The following S100A5 variants were observed in gnomAD, a reference collection of about 807,000 sequenced individuals.
S100A5 encodes the protein protein S100-A5.
S100A5 carries 5 observed loss-of-function variants against 6.7 expected under a neutral mutation model. The ratio of observed to expected loss-of-function variants is 0.75; its 90% CI spans 0.39 to 1.57. The LOEUF (loss-of-function observed/expected upper bound fraction) is 1.57. S100A5 is among the 40% of genes most tolerant of loss of function. The pLI is 0.03. For missense variants in S100A5, 129 were observed against 110.8 expected, an observed-to-expected ratio of 1.16 and a Z score of -0.74; for synonymous variants, 49 against 44.9, an observed-to-expected ratio of 1.09 and a Z score of -0.37.
At chr1:153,541,849 G>T (rs1341370117), upstream of S100A5, 4 of 1,031,198 alleles carry the variant, frequency 3.9e-6, no homozygotes, top group African/African-American at 3.4e-5. Context: ...CACTCCAGGA[G>T]TAGAGAAGAC....
intron 2 of S100A5, among the ~76,000 whole-genome samples, chr1:153,538,061 A>G (rs1293642625): frequency 6.6e-6 from 1 of 151,890 alleles, no homozygotes; most frequent in Non-Finnish European, 1.5e-5. Context: ...AAAAAAAAAG[A>G]ACACCTTGCT....
chr1:153,537,544 T>C lies in S100A5; in HGVS notation c.139-108A>G, dbSNP rs1166470960. ...CCGAAACTTCAGGGTGAGCCCCAGC[T>C]GAGTCAATGACACTGTCAGCATCTC... On this transcript the variant is annotated intron_variant, in intron 2 of 2. Transcript: ENST00000368717. The C allele has an allele frequency of 4.4e-6, 6 of 1,365,394 alleles. No homozygotes were observed. In the African/African-American group the frequency reaches 8.5e-5, roughly 19 times the overall value. 84.6% of individuals were successfully genotyped at this position (1,365,394 alleles called of 1,614,324 possible). A position where few individuals can be genotyped will look rare whatever the true frequency, so the allele number is the denominator to read the frequency against.
At chr1:153,537,468 G>C in intron 2 of S100A5, 32 bp from the exon 3 acceptor site, 1 of 1,611,286 alleles carries the variant, frequency 6.2e-7, no homozygotes, top group South Asian at 1.1e-5. Context: ...AGACAGCTCA[G>C]ACCCCGCTCC....
chr1:153,540,121 C>G lies in S100A5; in HGVS notation c.71G>C (p.Gly24Ala). ...CTTCCTACTCAGGGTCAGTTTGCTA[C>G]CCTCTCTCCCCGAATATTTGTGAAA... Reference protein sequence around the residue: ...TTFHKYSGREGSKLTLSRKEL... With the variant: ...TTFHKYSGREASKLTLSRKEL... Residue 24 changes from glycine to alanine, a missense_variant, in exon 2 of 3, where the codon GGT becomes GCT. Transcript: ENST00000368717. The G allele has an allele frequency of 6.2e-7, 1 of 1,614,166 alleles. No individual in the cohort carries two copies. Among genetic ancestry groups the G allele is most frequent in the Non-Finnish European group, 8.5e-7 (1 of 1,180,028 alleles).
chr1:153,537,705 C>T (rs1293216667), intron 2 of S100A5, among the ~76,000 whole-genome samples: 2 of 152,290 alleles, frequency 1.3e-5, no homozygotes, highest in East Asian at 3.9e-4. Flanking sequence ...CAATACTGTC[C>T]CCCAGCCAAA....
upstream of S100A5, chr1:153,541,718 A>G: frequency 8.7e-7 from 1 of 1,147,380 alleles, no homozygotes; most frequent in East Asian, 7.1e-5. Context: ...AATAAGCCGA[A>G]GAAGGGAAAC....
rs1411527412 is a variant in S100A5 at position 153,540,220 on chromosome 1, G to T, written c.-14-15C>A. 1.9e-6 allele frequency: 3 copies of T among 1,613,386 alleles called. No individual in the cohort carries two copies. The South Asian group carries it at 3.3e-5, about 18-fold the overall frequency. On this transcript the variant is annotated splice_polypyrimidine_tract_variant and intron_variant, in intron 1 of 2. Transcript: ENST00000368717. ...AGTGTGCAGCTCTGTAGAGGGAGAG[G>T]GGAAGATCCCATTCCTCAGGAAGTC...
chr1:153,542,847 C>A (rs1665434881), upstream of S100A5, among the ~76,000 whole-genome samples: 1 of 152,098 alleles, frequency 6.6e-6, no homozygotes, highest in African/African-American at 2.4e-5. Context: ...ACTATGGTCA[C>A]CTTCCCACCA....
chr1:153,540,620 C>T lies in S100A5; in HGVS notation c.-15+1G>A, dbSNP rs918124545. ...AGCCTTTCCCCCAGTGCCTGAATCACCTGATATCGAGGAGTGTCCCATTAT... is the reference window on the plus strand; with the variant it reads ...AGCCTTTCCCCCAGTGCCTGAATCATCTGATATCGAGGAGTGTCCCATTAT... On this transcript the variant is annotated splice_donor_variant, in intron 1 of 2. Transcript: ENST00000368717. LOFTEE classifies it low-confidence loss of function (5UTR_SPLICE). 1 of 175,568 alleles carries T rather than the reference C, an allele frequency of 5.7e-6. No individual in the cohort carries two copies. Among genetic ancestry groups the T allele is most frequent in the African/African-American group, 2.4e-5 (1 of 41,938 alleles). 10.9% of individuals were successfully genotyped at this position (175,568 alleles called of 1,614,324 possible).
At chr1:153,542,100 T>C (rs566529176), upstream of S100A5, among the ~76,000 whole-genome samples, 58 of 152,178 alleles carry the variant, frequency 3.8e-4, 1 homozygote, top group East Asian at 4.2e-3. Flanking sequence ...AGGTTGTGGA[T>C]TGGGGAGGGG....
In S100A5 at chr1:153,537,362, C is replaced by G; in HGVS notation, c.213G>C (p.Glu71Asp). The change falls in exon 3 of 3, where the codon GAG (glutamate) becomes GAC (aspartate). Residue 71 changes from glutamate to aspartate, a missense_variant. Physicochemically the swap from Glu to Asp is conservative, Grantham distance 45. Coordinates refer to ENST00000368717, the MANE Select transcript of S100A5 (RefSeq NM_001394232.1). ...KNSDQEIDFKEYSVFLTMLCM... is the reference protein window; with the variant it reads ...KNSDQEIDFKDYSVFLTMLCM... Reference sequence around the variant, plus strand: ...ACAGCATGGTCAGGAACACCGAGTACTCCTTGAAGTCGATCTCCTGGTCGC... The same window carrying G: ...ACAGCATGGTCAGGAACACCGAGTAGTCCTTGAAGTCGATCTCCTGGTCGC... The G allele has an allele frequency of 6.2e-7, 1 of 1,614,188 alleles. No homozygotes were observed. The highest frequency in any genetic ancestry group is 8.5e-7 in the Non-Finnish European group (1 of 1,180,016).
upstream of S100A5, chr1:153,541,331 C>T (rs1052667445): frequency 1.1e-5 from 14 of 1,319,938 alleles, no homozygotes; most frequent in African/African-American, 2.1e-4. Context: ...CCTCATCATC[C>T]AGCGTGACCC....
chr1:153,538,289 C>G (rs555845194), intron 2 of S100A5, among the ~76,000 whole-genome samples: 1 of 152,304 alleles, frequency 6.6e-6, no homozygotes, highest in East Asian at 1.9e-4. Context: ...CCCAGCCTGG[C>G]TCCATTAGGA....
rs745404957 is a variant in S100A5 at position 153,537,290 on chromosome 1, C to T, written c.*6G>A. The T allele has an allele frequency of 1.9e-6, 3 of 1,612,246 alleles. No individual in the cohort carries two copies. The highest frequency in any genetic ancestry group is 1.3e-5 in the African/African-American group (1 of 74,880). ...GGTGGAGGGTGAGGGTGGAGGGCAGCCCTGGTCACTTGTTGTCCTCTAGAA... is the reference window on the plus strand; with the variant it reads ...GGTGGAGGGTGAGGGTGGAGGGCAGTCCTGGTCACTTGTTGTCCTCTAGAA... On this transcript the variant is annotated 3_prime_UTR_variant, in exon 3 of 3. Transcript: ENST00000368717.
At chr1:153,540,267 C>T (rs1392944190) in intron 1 of S100A5, 62 bp from the exon 2 acceptor site, 6 of 1,537,492 alleles carry the variant, frequency 3.9e-6, no homozygotes, top group East Asian at 2.2e-5. Flanking sequence ...CACTAGCCTA[C>T]CTCTGAGGCC....
At chr1:153,542,301 C>G (rs1388634163), upstream of S100A5, among the ~76,000 whole-genome samples, 1 of 152,184 alleles carries the variant, frequency 6.6e-6, no homozygotes, top group African/African-American at 2.4e-5. Flanking sequence ...GGGGCCTCCC[C>G]ACTGCTCCCC....
chr1:153,539,405 T>G (rs1665294636), intron 2 of S100A5, among the ~76,000 whole-genome samples: 1 of 111,070 alleles, frequency 9.0e-6, no homozygotes, highest in African/African-American at 3.5e-5. Context: ...CCAGCCTGGG[T>G]GACAGAGCGA....
upstream of S100A5, among the ~76,000 whole-genome samples, chr1:153,542,334 C>A (rs139698035): frequency 8.2e-3 from 1,255 of 152,272 alleles, 48 homozygotes; most frequent in Admixed American, 0.063. Flanking sequence ...CCCCAGCTGG[C>A]AAGATTGGAG....
chr1:153,541,304 TCAC>T (rs1348767599), upstream of S100A5: 12 of 1,159,528 alleles, frequency 1.0e-5, no homozygotes, highest in African/African-American at 1.4e-4. Context: ...TTGGTGGAGG[TCAC>T]CACCACTTGT....
Sources: allele counts gnomAD v4.1 joint callset (sites outside exome capture counted in the v4.1 genomes callset), GRCh38; gene constraint gnomAD v4.1.1; transcripts MANE v1.5; gene names NCBI Gene and HGNC (gene_info 2026-07-23, HGNC 2026-07-21).